Variants in DLG1 observed in about 807,000 individuals in gnomAD.
DLG1 encodes discs large MAGUK scaffold protein 1, also known as disks large homolog 1.
In DLG1, 42 loss-of-function variants were observed where a neutral mutation model predicts 123.4. The observed-to-expected ratio is 0.34, with a 90% CI of 0.27 to 0.44. The LOEUF is 0.44. Among genes scored for constraint, DLG1 ranks in the 20% least tolerant of loss-of-function variants. The pLI, the probability that DLG1 is intolerant of heterozygous loss-of-function variation, is 1.00. For synonymous variants in DLG1, 317 were observed against 356.2 expected, an observed-to-expected ratio of 0.89 and a Z score of 1.24; for missense variants, 942 against 1,082.6, an observed-to-expected ratio of 0.87 and a Z score of 1.82.
chr3:197,226,077 A>G (rs1011882942), intron 4 of DLG1: 1 of 152,372 alleles, frequency 6.6e-6, no homozygotes, highest in African/African-American at 2.4e-5. Flanking sequence ...ATTCTTTTTA[A>G]AAAAAATTGT....
At chr3:197,129,741 C>T (rs1459339456) in intron 11 of DLG1, among the ~76,000 whole-genome samples, 3 of 152,022 alleles carry the variant, frequency 2.0e-5, no homozygotes, top group African/African-American at 7.2e-5. Context: ...ATTAACTGGC[C>T]TAATATCAAT....
intron 16 of DLG1, among the ~76,000 whole-genome samples, chr3:197,084,307 C>T (rs1439197268): frequency 1.5e-5 from 2 of 134,510 alleles, no homozygotes; most frequent in East Asian, 2.7e-4. Context: ...GGAGGCATCA[C>T]TTTTTGTTGT....
chr3:197,154,959 C>T (rs1430975223), intron 5 of DLG1, among the ~76,000 whole-genome samples: 1 of 151,928 alleles, frequency 6.6e-6, no homozygotes, highest in Non-Finnish European at 1.5e-5. Context: ...TCAAGCAGAC[C>T]AACTAATGCA....
chr3:197,250,762 A>C (rs892316039), intron 4 of DLG1, among the ~76,000 whole-genome samples: 2 of 151,922 alleles, frequency 1.3e-5, no homozygotes, highest in Non-Finnish European at 2.9e-5. Context: ...TGGGAGGCTG[A>C]GGTGGCAGAT....
At chr3:197,045,717 A>AT (rs1722533074) in intron 24 of DLG1, among the ~76,000 whole-genome samples, 2 of 152,254 alleles carry the variant, frequency 1.3e-5, no homozygotes, top group South Asian at 4.1e-4. Flanking sequence ...GGATTGTACC[A>AT]TTTGCCTGGG....
chr3:197,240,815 G>T (rs1748464996), intron 4 of DLG1, among the ~76,000 whole-genome samples: 1 of 152,006 alleles, frequency 6.6e-6, no homozygotes, highest in Non-Finnish European at 1.5e-5. Flanking sequence ...AGAGGATCAA[G>T]CAGAGTAAAC....
chr3:197,147,245 AC>A lies in DLG1; in HGVS notation c.537+2497del, dbSNP rs1791269186. Among the ~76,000 whole-genome samples, 4 of 152,314 alleles carry A rather than the reference AC, an allele frequency of 2.6e-5. No homozygotes were observed. In the South Asian group the frequency reaches 8.3e-4, roughly 32 times the overall value. On this transcript the variant is annotated intron_variant, in intron 6 of 24. Coordinates refer to ENST00000667157, the MANE Select transcript of DLG1 (RefSeq NM_001366207.1). ...AAACAGTACAGAGAGTCCTTAAAGA[AC>A]TAAAAGGAGATCTACCGTTTGATCC...
intron 11 of DLG1, among the ~76,000 whole-genome samples, chr3:197,124,731 T>C (rs1256958789): frequency 6.6e-6 from 1 of 152,040 alleles, no homozygotes; most frequent in Non-Finnish European, 1.5e-5. Flanking sequence ...CACGCACCAT[T>C]GTGCCTGGCT....
chr3:197,059,411 T>C (rs1734218433), intron 23 of DLG1, among the ~76,000 whole-genome samples: 1 of 152,224 alleles, frequency 6.6e-6, no homozygotes, highest in African/African-American at 2.4e-5. Flanking sequence ...CTTCACCCCT[T>C]GTCTTTTAAT....
intron 19 of DLG1, among the ~76,000 whole-genome samples, chr3:197,068,872 ATAT>A (rs1426471795): frequency 6.6e-6 from 1 of 152,182 alleles, no homozygotes. Flanking sequence ...TTACTGAAAA[ATAT>A]TATTTTAGTG....
chr3:197,261,734 TAGTA>T (rs1188679016), intron 4 of DLG1, among the ~76,000 whole-genome samples: 1 of 152,208 alleles, frequency 6.6e-6, no homozygotes, highest in East Asian at 1.9e-4. Context: ...ACCTATCAAA[TAGTA>T]AGCATTATCA....
At chr3:197,231,093 G>A (rs191898164) in intron 4 of DLG1, among the ~76,000 whole-genome samples, 6 of 152,242 alleles carry the variant, frequency 3.9e-5, no homozygotes, top group Admixed American at 6.5e-5. Flanking sequence ...CAACAGAAGC[G>A]CCTAACAGTT....
At chr3:197,264,626 C>A (rs927704102) in intron 4 of DLG1, among the ~76,000 whole-genome samples, 1 of 152,086 alleles carries the variant, frequency 6.6e-6, no homozygotes, top group African/African-American at 2.4e-5. Flanking sequence ...GGGGTTTTGA[C>A]ATGTTGGCCA....
chr3:197,192,748 A>G (rs1720314584), intron 5 of DLG1, among the ~76,000 whole-genome samples: 1 of 152,168 alleles, frequency 6.6e-6, no homozygotes, highest in African/African-American at 2.4e-5. Flanking sequence ...ACAGAGGGGT[A>G]AGGGTGGTGG....
chr3:197,286,906 T>A (rs1294482282), intron 3 of DLG1, among the ~76,000 whole-genome samples: 1 of 150,844 alleles, frequency 6.6e-6, no homozygotes, highest in African/African-American at 2.5e-5. Context: ...TTTTTTTTTT[T>A]AAAGAGACAG....
chr3:197,046,778 G>A (rs1412221589), intron 24 of DLG1, among the ~76,000 whole-genome samples: 2 of 151,138 alleles, frequency 1.3e-5, no homozygotes, highest in African/African-American at 2.4e-5. Context: ...GCTGAGGTGG[G>A]AGGATCACTT....
intron 9 of DLG1, 68 bp from the exon 10 acceptor site, chr3:197,136,746 A>C: frequency 1.5e-6 from 2 of 1,371,796 alleles, no homozygotes; most frequent in East Asian, 2.3e-5. Flanking sequence ...AAATGGTTGA[A>C]AACTACAAGG....
chr3:197,255,745 G>A (rs1029548299), intron 4 of DLG1, among the ~76,000 whole-genome samples: 11 of 150,006 alleles, frequency 7.3e-5, no homozygotes, highest in Admixed American at 3.4e-4. Flanking sequence ...TTTATATGAC[G>A]TTCAAACCTA....
Position 197,044,201 on chromosome 3 carries a change from A to T in DLG1, c.*422T>A, listed in dbSNP as rs1721524741. On this transcript the variant is annotated 3_prime_UTR_variant, in exon 25 of 25. Transcript: ENST00000667157. ...AGTAATACACTGGCCAAACCATGCT[A>T]TTAAACTGAAGCGTGCACAGTTGCT... 6.5e-6 allele frequency: 1 copy of T among 153,288 alleles called. No homozygotes were observed. Among genetic ancestry groups the T allele is most frequent in the South Asian group, 2.1e-4 (1 of 4,846 alleles). 9.5% of individuals were successfully genotyped at this position (153,288 alleles called of 1,614,324 possible).
Sources: gnomAD v4.1 joint callset for allele counts (sites outside exome capture counted in the v4.1 genomes callset) on GRCh38, gnomAD v4.1.1 for gene constraint, MANE v1.5 for transcripts, NCBI Gene and HGNC (gene_info 2026-07-23, HGNC 2026-07-21) for gene names.